TESK2: variants seen among roughly 807,000 people sequenced by gnomAD.
The protein encoded by TESK2 is dual specificity testis-specific protein kinase 2.
A neutral mutation model predicts 57.1 loss-of-function variants in TESK2; 39 were observed. The observed-to-expected ratio is 0.68, with a 90% CI of 0.53 to 0.89. TESK2 has a LOEUF of 0.89. Ranked by LOEUF, TESK2 falls within the 40% of genes least tolerant of loss-of-function variation. The pLI is 0.00. For missense variants in TESK2, 646 were observed against 732.1 expected, an observed-to-expected ratio of 0.88 and a Z score of 1.36; for synonymous variants, 249 against 267.9, an observed-to-expected ratio of 0.93 and a Z score of 0.69.
chr1:45,403,605 G>T (rs1649720380), intron 3 of TESK2, among the ~76,000 whole-genome samples: 1 of 152,080 alleles, frequency 6.6e-6, no homozygotes, highest in Admixed American at 6.6e-5. Flanking sequence ...ATCAGATCAT[G>T]TCAATAGCAC....
chr1:45,477,718 A>C (rs1321092485), intron 1 of TESK2, among the ~76,000 whole-genome samples: 2 of 152,152 alleles, frequency 1.3e-5, no homozygotes, highest in Non-Finnish European at 2.9e-5. Context: ...ACAGTTAAAA[A>C]TCTTCAATGA....
At chr1:45,410,824 T>C (rs1164967948) in intron 3 of TESK2, among the ~76,000 whole-genome samples, 1 of 152,064 alleles carries the variant, frequency 6.6e-6, no homozygotes, top group Non-Finnish European at 1.5e-5. Context: ...TGTGTTTCAG[T>C]GGCACAACTG....
intron 5 of TESK2, 57 bp from the exon 6 acceptor site, chr1:45,348,057 T>C (rs1647171428): frequency 1.7e-6 from 2 of 1,184,846 alleles, no homozygotes; most frequent in Admixed American, 1.7e-5. Flanking sequence ...GGATCAGCCA[T>C]AGAGTTACCA....
intron 5 of TESK2, among the ~76,000 whole-genome samples, chr1:45,353,860 T>C (rs943425236): frequency 3.9e-5 from 6 of 152,222 alleles, no homozygotes; most frequent in Admixed American, 3.9e-4. Context: ...GCGACTCTTT[T>C]CTAACCTGGT....
chr1:45,432,389 C>T (rs1390585181), intron 2 of TESK2, among the ~76,000 whole-genome samples: 1 of 151,794 alleles, frequency 6.6e-6, no homozygotes, highest in Non-Finnish European at 1.5e-5. Flanking sequence ...CTTCTACCTA[C>T]TTAGAAATAT....
chr1:45,486,969 T>C (rs1194668521), intron 1 of TESK2, among the ~76,000 whole-genome samples: 1 of 151,424 alleles, frequency 6.6e-6, no homozygotes, highest in African/African-American at 2.4e-5. Context: ...ATTACATGCA[T>C]GCACCACCAC....
At chr1:45,485,921 AAAGAT>A (rs917840174) in intron 1 of TESK2, among the ~76,000 whole-genome samples, 1 of 152,242 alleles carries the variant, frequency 6.6e-6, no homozygotes, top group Non-Finnish European at 1.5e-5. Flanking sequence ...AAAGCTCACA[AAAGAT>A]AAGTAATTTG....
At chr1:45,385,999 A>G (rs1291182302) in intron 3 of TESK2, 39 bp from the exon 4 acceptor site, 1 of 1,495,878 alleles carries the variant, frequency 6.7e-7, no homozygotes, top group Admixed American at 1.8e-5. Context: ...AGTGAAAAGG[A>G]CACAAATATA....
At chr1:45,489,580 A>G (rs1430750604) in intron 1 of TESK2, among the ~76,000 whole-genome samples, 1 of 152,216 alleles carries the variant, frequency 6.6e-6, no homozygotes, top group Non-Finnish European at 1.5e-5. Context: ...GACTGAGGTC[A>G]GACGTTCGAA....
chr1:45,456,391 C>T (rs1292138422), intron 2 of TESK2, among the ~76,000 whole-genome samples: 1 of 151,508 alleles, frequency 6.6e-6, no homozygotes, highest in Non-Finnish European at 1.5e-5. Context: ...TGGTGGCAGG[C>T]GCCTGTAATC....
intron 4 of TESK2, among the ~76,000 whole-genome samples, chr1:45,384,382 T>TCTGC (rs1648787093): frequency 8.1e-6 from 1 of 123,012 alleles, no homozygotes; most frequent in Admixed American, 8.5e-5. Flanking sequence ...TATCTATCTA[T>TCTGC]CTATCTGTCT....
intron 5 of TESK2, among the ~76,000 whole-genome samples, chr1:45,349,095 G>A (rs1422944787): frequency 6.6e-6 from 1 of 151,278 alleles, no homozygotes; most frequent in Non-Finnish European, 1.5e-5. Context: ...CACTTCTGGA[G>A]CCAGCAAGGC....
At chr1:45,404,319 T>C (rs1283579194) in intron 3 of TESK2, among the ~76,000 whole-genome samples, 4 of 152,280 alleles carry the variant, frequency 2.6e-5, no homozygotes, top group African/African-American at 9.6e-5. Flanking sequence ...GAAATTTTTG[T>C]AATGCCTGTC....
chr1:45,444,922 G>A (rs1357564755), intron 2 of TESK2, among the ~76,000 whole-genome samples: 1 of 152,134 alleles, frequency 6.6e-6, no homozygotes, highest in Non-Finnish European at 1.5e-5. Context: ...AAAACTAACA[G>A]ACTGGCCACA....
chr1:45,458,991 A>T (rs187861451), intron 1 of TESK2, among the ~76,000 whole-genome samples: 1 of 152,228 alleles, frequency 6.6e-6, no homozygotes, highest in South Asian at 2.1e-4. Flanking sequence ...AAGGAGGTGG[A>T]TACCTACTCA....
chr1:45,472,467 A>C (rs1321869060), intron 1 of TESK2, among the ~76,000 whole-genome samples: 1 of 151,724 alleles, frequency 6.6e-6, no homozygotes, highest in Non-Finnish European at 1.5e-5. Flanking sequence ...CTAAGGCAGA[A>C]GAATCGCTTG....
At chr1:45,378,103 A>G (rs1648512311) in intron 4 of TESK2, among the ~76,000 whole-genome samples, 1 of 152,192 alleles carries the variant, frequency 6.6e-6, no homozygotes, top group South Asian at 2.1e-4. Context: ...GCTGTACTGC[A>G]AACACTAGCA....
chr1:45,399,040 A>T, intron 3 of TESK2: 1 of 420,772 alleles, frequency 2.4e-6, no homozygotes, highest in South Asian at 1.7e-5. Context: ...GTCCACCTGG[A>T]CAACATATAC....
rs1553147549 is a variant in TESK2, at chr1:45,384,610, T to TATTTA, written c.393+1301_393+1302insTAAAT. Among the ~76,000 whole-genome samples, 798 of 123,644 alleles carry TATTTA rather than the reference T, an allele frequency of 6.5e-3. 16 individuals are homozygous for TATTTA. The highest frequency in any genetic ancestry group is 0.023 in the African/African-American group (732 of 31,446). The allele number at this position is 123,644 out of a possible 152,430, so 81.1% of individuals were successfully genotyped here. A position where few individuals can be genotyped will look rare whatever the true frequency, so the allele number is the denominator to read the frequency against. ...AATTATTAATTTTTTTTTTTTTTTT[T>TATTTA]TTTTTTTTTTTTTTTTGTAGAGACA... On this transcript the variant is annotated intron_variant, in intron 4 of 10. Coordinates refer to ENST00000372086, the MANE Select transcript of TESK2 (RefSeq NM_007170.3).
Sources: allele counts gnomAD v4.1 joint callset (sites outside exome capture counted in the v4.1 genomes callset), GRCh38; gene constraint gnomAD v4.1.1; transcripts MANE v1.5; gene names NCBI Gene and HGNC (gene_info 2026-07-23, HGNC 2026-07-21).